Variants in KIF2A observed in about 807,000 individuals in gnomAD.
KIF2A encodes kinesin-like protein KIF2A.
A neutral mutation model predicts 100.2 loss-of-function variants in KIF2A; 22 were observed. That is an observed-to-expected ratio of 0.22 (90% CI 0.16 to 0.31). The LOEUF is 0.31. Among genes scored for constraint, KIF2A ranks in the 10% least tolerant of loss-of-function variants. KIF2A has a pLI of 1.00. For missense variants in KIF2A, 495 were observed against 898.7 expected (o/e 0.55, Z 5.74); for synonymous variants, 268 against 285.9 (o/e 0.94, Z 0.63).
At chr5:62,358,580 A>C (rs891927457) in intron 9 of KIF2A, among the ~76,000 whole-genome samples, 4 of 152,202 alleles carry the variant, frequency 2.6e-5, no homozygotes, top group African/African-American at 9.6e-5. Flanking sequence ...ATGGATAAGA[A>C]ATTTCGGGAA....
chr5:62,349,690 A>T (rs1229723396), intron 3 of KIF2A, among the ~76,000 whole-genome samples: 1 of 152,142 alleles, frequency 6.6e-6, no homozygotes, highest in East Asian at 1.9e-4. Context: ...TTTATAAATT[A>T]CCCCCTATTA....
intron 1 of KIF2A, among the ~76,000 whole-genome samples, chr5:62,317,748 T>A (rs972545163): frequency 7.9e-5 from 12 of 152,242 alleles, no homozygotes; most frequent in African/African-American, 2.2e-4. Flanking sequence ...TCCCTTCATC[T>A]GATTTCTTTG....
At chr5:62,310,243 A>G (rs567004983) in intron 1 of KIF2A, among the ~76,000 whole-genome samples, 170 of 152,004 alleles carry the variant, frequency 1.1e-3, no homozygotes, top group Non-Finnish European at 1.0e-3. Context: ...TAGTAGTGAC[A>G]GGTTTTTGCC....
intron 1 of KIF2A, among the ~76,000 whole-genome samples, chr5:62,345,798 A>G (rs1017651685): frequency 1.3e-5 from 2 of 152,190 alleles, no homozygotes; most frequent in African/African-American, 4.8e-5. Flanking sequence ...AAATTATCTT[A>G]AGATAAATTA....
chr5:62,332,514 A>G (rs1321914519), intron 1 of KIF2A, among the ~76,000 whole-genome samples: 1 of 152,140 alleles, frequency 6.6e-6, no homozygotes, highest in East Asian at 1.9e-4. Flanking sequence ...AATGGCTTTG[A>G]TTAAAGATTA....
rs1174005827 is a variant in KIF2A, at chr5:62,389,831, T to C, written c.*4262T>C. 6.6e-6 allele frequency among the ~76,000 whole-genome samples: 1 copy of C among 152,298 alleles called. No individual in the cohort carries two copies. Among genetic ancestry groups the C allele is most frequent in the East Asian group, 1.9e-4 (1 of 5,192 alleles). ...TAGATTCTAGTTAGTAAACTGCACATGCCCAATAACTTTGAGGAAATTTAG... is the reference window on the plus strand; with the variant it reads ...TAGATTCTAGTTAGTAAACTGCACACGCCCAATAACTTTGAGGAAATTTAG... On this transcript the variant is annotated 3_prime_UTR_variant, in exon 21 of 21. Coordinates refer to ENST00000407818, the MANE Select transcript of KIF2A (RefSeq NM_001098511.3).
Position 62,352,549 on chromosome 5 carries a change from T to G in KIF2A, c.335-39T>G. On this transcript the variant is annotated intron_variant, in intron 4 of 20. Coordinates refer to ENST00000407818, the MANE Select transcript of KIF2A (RefSeq NM_001098511.3). ...TTACTAAGGTTAGCTTTTACTAATT[T>G]TCTATCCTGAATTTAAAATTTTTTT... 3 of 1,484,648 alleles carry G rather than the reference T, an allele frequency of 2.0e-6. No homozygotes were observed. In the South Asian group the frequency reaches 4.0e-5, roughly 20 times the overall value. The allele number at this position is 1,484,648 out of a possible 1,614,324, so 92.0% of individuals were successfully genotyped here. A position where few individuals can be genotyped will look rare whatever the true frequency, so the allele number is the denominator to read the frequency against.
intron 1 of KIF2A, among the ~76,000 whole-genome samples, chr5:62,324,179 T>C (rs898825013): frequency 2.0e-5 from 3 of 152,092 alleles, no homozygotes; most frequent in Admixed American, 6.5e-5. Context: ...AGCTCTACAG[T>C]GAGAATTACA....
chr5:62,369,423 T>C (rs1409010146), intron 16 of KIF2A, among the ~76,000 whole-genome samples: 1 of 152,190 alleles, frequency 6.6e-6, no homozygotes, highest in Non-Finnish European at 1.5e-5. Context: ...CCATTAGATC[T>C]TGTGAGAACT....
chr5:62,366,385 T>C, intron 15 of KIF2A, 29 bp from the exon 16 acceptor site: 1 of 1,452,876 alleles, frequency 6.9e-7, no homozygotes, highest in Non-Finnish European at 9.5e-7. Context: ...TAACATTTTG[T>C]TTACCTTTGC....
chr5:62,359,051 T>A (rs963282200), intron 9 of KIF2A, among the ~76,000 whole-genome samples: 1 of 152,210 alleles, frequency 6.6e-6, no homozygotes, highest in Non-Finnish European at 1.5e-5. Flanking sequence ...GCGAAAAAGT[T>A]CCGTACTTGT....
intron 1 of KIF2A, among the ~76,000 whole-genome samples, chr5:62,314,333 A>T (rs571502953): frequency 6.6e-6 from 1 of 152,180 alleles, no homozygotes; most frequent in Non-Finnish European, 1.5e-5. Flanking sequence ...GCCTGGTAGC[A>T]TGTGACTGTA....
chr5:62,360,892 T>C (rs573201573), intron 9 of KIF2A, among the ~76,000 whole-genome samples: 5 of 152,308 alleles, frequency 3.3e-5, no homozygotes, highest in African/African-American at 9.6e-5. Flanking sequence ...GCAGTTTTTT[T>C]CCTCTATTAA....
At chr5:62,351,949 T>A (rs544904006) in intron 4 of KIF2A, among the ~76,000 whole-genome samples, 13 of 152,064 alleles carry the variant, frequency 8.5e-5, no homozygotes, top group African/African-American at 3.1e-4. Flanking sequence ...AGGTGAAGAG[T>A]TTGAGGCCAG....
chr5:62,389,232 T>A lies in KIF2A; in HGVS notation c.*3663T>A, dbSNP rs1742178544. Among the ~76,000 whole-genome samples, 1 of 152,152 alleles carries A rather than the reference T, an allele frequency of 6.6e-6. No homozygotes were observed. The highest frequency in any genetic ancestry group is 1.5e-5 in the Non-Finnish European group (1 of 68,030). On this transcript the variant is annotated 3_prime_UTR_variant, in exon 21 of 21. Coordinates refer to ENST00000407818, the MANE Select transcript of KIF2A (RefSeq NM_001098511.3). ...TGGGCGCAGTGGCTTATGCCTGTAA[T>A]CCCAGCACTTTGGGAGGCTGAGGCG...
intron 19 of KIF2A, among the ~76,000 whole-genome samples, chr5:62,379,457 G>C (rs529402864): frequency 6.6e-6 from 1 of 152,284 alleles, no homozygotes; most frequent in South Asian, 2.1e-4. Flanking sequence ...GAGTTTGCGA[G>C]TTCGATACCA....
At position 62,389,895 on chromosome 5, in the gene KIF2A, C is replaced by A. The variant is rs1742221247; in HGVS notation, c.*4326C>A. On this transcript the variant is annotated 3_prime_UTR_variant, in exon 21 of 21. Coordinates refer to ENST00000407818, the MANE Select transcript of KIF2A (RefSeq NM_001098511.3). ...AAAGAGAAAATATTTCTCTTTAGAC[C>A]TGAGGTTATGTTTAGGCTGGCCCAT... Among the ~76,000 whole-genome samples the A allele has an allele frequency of 6.6e-6, 1 of 152,062 alleles. No individual in the cohort carries two copies. The highest frequency in any genetic ancestry group is 2.1e-4 in the South Asian group (1 of 4,824).
intron 1 of KIF2A, among the ~76,000 whole-genome samples, chr5:62,322,864 G>GTT (rs36138729): frequency 6.9e-4 from 93 of 134,452 alleles, no homozygotes; most frequent in Admixed American, 1.8e-3. Flanking sequence ...TGGTTTTTGG[G>GTT]TTTTTTTTTT....
At chr5:62,308,039 A>G (rs542189079) in intron 1 of KIF2A, among the ~76,000 whole-genome samples, 2 of 152,332 alleles carry the variant, frequency 1.3e-5, no homozygotes, top group South Asian at 2.1e-4. Flanking sequence ...ACGTGAAGCT[A>G]GATTGATTTT....
Sources: allele counts gnomAD v4.1 joint callset (sites outside exome capture counted in the v4.1 genomes callset), GRCh38; gene constraint gnomAD v4.1.1; transcripts MANE v1.5; gene names NCBI Gene and HGNC (gene_info 2026-07-23, HGNC 2026-07-21).